Variants in ZNF440 observed in about 807,000 individuals in gnomAD.
ZNF440 encodes the protein zinc finger protein 440.
A neutral mutation model predicts 49.7 loss-of-function variants in ZNF440; 47 were observed. The ratio of observed to expected loss-of-function variants is 0.95; its 90% CI spans 0.75 to 1.21. The LOEUF (loss-of-function observed/expected upper bound fraction) is 1.21. ZNF440 is among the 50% of genes most tolerant of loss of function. The pLI is 0.00. For synonymous variants in ZNF440, 255 were observed against 237.7 expected (o/e 1.07, Z -0.67); for missense variants, 703 against 715.0 (o/e 0.98, Z 0.19).
At chr19:11,817,198 T>C (rs1210032685) in intron 1 of ZNF440, 2 of 152,214 alleles carry the variant, frequency 1.3e-5, no homozygotes, top group Non-Finnish European at 2.9e-5. Context: ...CTTGCTTATA[T>C]TACTGGGAAA....
chr19:11,827,675 C>A (rs773425204), intron 1 of ZNF440: 3 of 152,142 alleles, frequency 2.0e-5, no homozygotes, highest in Non-Finnish European at 4.4e-5. Flanking sequence ...GTAAACGATT[C>A]ATTAGGAAGT....
chr19:11,820,408 C>T (rs1027653986), intron 1 of ZNF440, among the ~76,000 whole-genome samples: 4 of 152,044 alleles, frequency 2.6e-5, no homozygotes, highest in Non-Finnish European at 2.9e-5. Context: ...TTTGTAGAGA[C>T]GGGGTTTCAC....
chr19:11,818,384 G>A (rs546034134), intron 1 of ZNF440, among the ~76,000 whole-genome samples: 6 of 152,100 alleles, frequency 3.9e-5, no homozygotes, highest in Non-Finnish European at 7.3e-5. Flanking sequence ...CGACTGGCAA[G>A]GAGTGTTTCT....
In ZNF440 at chr19:11,832,969, C is replaced by G. The variant is rs773693139; in HGVS notation, c.*5C>G. The G allele has an allele frequency of 6.2e-7, 1 of 1,605,140 alleles. No homozygotes were observed. The highest frequency in any genetic ancestry group is 1.3e-5 in the African/African-American group (1 of 74,292). ...AAAGGACACAAACACACATAATGCA[C>G]TCTGTAGAGAGACCTTATAAATGTA... On this transcript the variant is annotated 3_prime_UTR_variant, in exon 4 of 4. Coordinates refer to ENST00000304060, the MANE Select transcript of ZNF440 (RefSeq NM_152357.3).
At chr19:11,820,487 G>A (rs867980881) in intron 1 of ZNF440, among the ~76,000 whole-genome samples, 6 of 152,046 alleles carry the variant, frequency 3.9e-5, no homozygotes, top group Non-Finnish European at 5.9e-5. Flanking sequence ...CAAAGTGCTG[G>A]GATTACAGGC....
intron 1 of ZNF440, chr19:11,817,570 T>G (rs915153259): frequency 2.0e-5 from 3 of 152,144 alleles, no homozygotes; most frequent in African/African-American, 7.2e-5. Context: ...GCACTCCAGC[T>G]TGGGTAACAG....
chr19:11,828,747 C>G (rs1975897956), intron 1 of ZNF440, among the ~76,000 whole-genome samples: 1 of 149,596 alleles, frequency 6.7e-6, no homozygotes, highest in Non-Finnish European at 1.5e-5. Context: ...TGCAATGGTG[C>G]AATCTTGGCT....
At position 11,828,387 on chromosome 19, in the gene ZNF440, G is replaced by A. The variant is rs139827022; in HGVS notation, c.4-1896G>A. Among the ~76,000 whole-genome samples, 39 of 152,016 alleles carry A rather than the reference G, an allele frequency of 2.6e-4. No homozygotes were observed. The East Asian group carries it at 7.2e-3, about 28-fold the overall frequency. On this transcript the variant is annotated intron_variant, in intron 1 of 3. Coordinates refer to ENST00000304060, the MANE Select transcript of ZNF440 (RefSeq NM_152357.3). Reference sequence around the variant, plus strand: ...TTTTTTAGAGATGGAGTTCCACCACGTTGGCCAGGCTGGTCTCAAACTGCT... The same window carrying A: ...TTTTTTAGAGATGGAGTTCCACCACATTGGCCAGGCTGGTCTCAAACTGCT...
At chr19:11,828,209 TTAAAGA>T (rs1259871035) in intron 1 of ZNF440, among the ~76,000 whole-genome samples, 2 of 152,152 alleles carry the variant, frequency 1.3e-5, no homozygotes, top group African/African-American at 2.4e-5. Context: ...GTTTGTTTGT[TTAAAGA>T]TAGAGTCTCA....
chr19:11,818,204 CA>C (rs113728959), intron 1 of ZNF440, among the ~76,000 whole-genome samples: 1 of 149,202 alleles, frequency 6.7e-6, no homozygotes, highest in African/African-American at 2.5e-5. Flanking sequence ...AACTCTGTCT[CA>C]AAAAAAAACC....
At chr19:11,824,444 T>C (rs1975838111) in intron 1 of ZNF440, among the ~76,000 whole-genome samples, 1 of 152,168 alleles carries the variant, frequency 6.6e-6, no homozygotes, top group Admixed American at 6.5e-5. Flanking sequence ...CTTTTCCTTA[T>C]ACTTTCTCAA....
chr19:11,825,556 A>G (rs935267456), intron 1 of ZNF440, among the ~76,000 whole-genome samples: 2 of 152,206 alleles, frequency 1.3e-5, no homozygotes, highest in Admixed American at 6.6e-5. Flanking sequence ...TTGGAATGAT[A>G]CTGTAAGTGG....
chr19:11,821,261 T>C (rs577684179), intron 1 of ZNF440, among the ~76,000 whole-genome samples: 1 of 152,182 alleles, frequency 6.6e-6, no homozygotes, highest in African/African-American at 2.4e-5. Context: ...GAGTCACTCC[T>C]CCCAGGGGAC....
At chr19:11,829,297 A>C (rs528884202) in intron 1 of ZNF440, among the ~76,000 whole-genome samples, 1 of 150,666 alleles carries the variant, frequency 6.6e-6, no homozygotes, top group Admixed American at 6.7e-5. Context: ...TCATAATGGA[A>C]GTTTCTTTCT....
Position 11,833,221 on chromosome 19 carries a change from C to A in ZNF440, c.*257C>A. 5 of 985,270 alleles carry A rather than the reference C, an allele frequency of 5.1e-6. No individual in the cohort carries two copies. The highest frequency in any genetic ancestry group is 6.1e-6 in the Non-Finnish European group (4 of 658,574). The allele number at this position is 985,270 out of a possible 1,614,324, so 61.0% of individuals were successfully genotyped here. A position where few individuals can be genotyped will look rare whatever the true frequency, so the allele number is the denominator to read the frequency against. On this transcript the variant is annotated 3_prime_UTR_variant, in exon 4 of 4. Transcript: ENST00000304060. ...ATCTTCGATTTCATAAAAGGACACA[C>A]ACTGGAGAGAAACCCTGTGAATGTA...
Position 11,814,304 on chromosome 19 carries a change from A to C in ZNF440, c.-144A>C. On this transcript the variant is annotated 5_prime_UTR_variant, in exon 1 of 4. Coordinates refer to ENST00000304060, the MANE Select transcript of ZNF440 (RefSeq NM_152357.3). ...CGTCCATTCCTTTAGTGCTGCGCCG[A>C]CAGCGGTCAGGATCTCGGCTTTCTT... 1.2e-6 allele frequency: 1 copy of C among 858,498 alleles called. No individual in the cohort carries two copies. The highest frequency in any genetic ancestry group is 1.7e-6 in the Non-Finnish European group (1 of 605,418). 53.2% of individuals were successfully genotyped at this position (858,498 alleles called of 1,614,324 possible).
At position 11,832,277 on chromosome 19, in the gene ZNF440, C is replaced by A; in HGVS notation, c.1101C>A (p.Pro367=). The change falls in exon 4 of 4, where the codon CCC becomes CCA. Residue 367 remains proline, a synonymous_variant. Transcript: ENST00000304060. ...AAAAAATTCACAGTGGAGAGAAACC[C>A]TATAAATGTAAGCAGTGTGGTAAAG... is the stretch of plus-strand genomic sequence containing the variant. ...RHEKIHSGEK[P]YKCKQCGKAF... is the part of the protein sequence containing the mutation. 1 of 1,613,986 alleles carries A rather than the reference C, an allele frequency of 6.2e-7. No homozygotes were observed. The highest frequency in any genetic ancestry group is 8.5e-7 in the Non-Finnish European group (1 of 1,179,982).
At chr19:11,829,977 C>G (rs995161904) in intron 1 of ZNF440, 4 of 344,696 alleles carry the variant, frequency 1.2e-5, no homozygotes, top group Non-Finnish European at 2.0e-5. Context: ...ACAACATTAG[C>G]CAGGCATGGT....
intron 1 of ZNF440, among the ~76,000 whole-genome samples, chr19:11,825,798 T>TTTC (rs1314534640): frequency 7.1e-6 from 1 of 141,134 alleles, no homozygotes; most frequent in Non-Finnish European, 1.5e-5. Flanking sequence ...TTTCTTTTTT[T>TTTC]TTTCTTTTCT....
Sources: allele counts gnomAD v4.1 joint callset (sites outside exome capture counted in the v4.1 genomes callset), GRCh38; gene constraint gnomAD v4.1.1; transcripts MANE v1.5; gene names NCBI Gene and HGNC (gene_info 2026-07-23, HGNC 2026-07-21).